GRID1: variants seen among roughly 807,000 people sequenced by gnomAD.
GRID1 encodes the protein glutamate ionotropic receptor delta type subunit 1, also known as glutamate receptor ionotropic, delta-1.
In GRID1, 28 loss-of-function variants were observed where a neutral mutation model predicts 98.0. That is an observed-to-expected ratio of 0.29 (90% CI 0.21 to 0.39). The LOEUF (loss-of-function observed/expected upper bound fraction) is 0.39, where lower values mean the gene tolerates loss of function less well. GRID1 is among the 10% of genes least tolerant of loss of function. The pLI is 1.00. For synonymous variants in GRID1, 553 were observed against 538.5 expected, an observed-to-expected ratio of 1.03 and a Z score of -0.37; for missense variants, 1,111 against 1,340.5, an observed-to-expected ratio of 0.83 and a Z score of 2.67.
chr10:86,127,763 T>C (rs997248529), intron 4 of GRID1, among the ~76,000 whole-genome samples: 7 of 152,088 alleles, frequency 4.6e-5, no homozygotes, highest in African/African-American at 1.7e-4. Flanking sequence ...ACAGAGTGAG[T>C]AGGAGCTATC....
At chr10:85,859,154 G>T (rs1843140905) in intron 6 of GRID1, among the ~76,000 whole-genome samples, 1 of 152,196 alleles carries the variant, frequency 6.6e-6, no homozygotes, top group African/African-American at 2.4e-5. Flanking sequence ...GCTCATGAAT[G>T]TGTTTATCTC....
intron 8 of GRID1, among the ~76,000 whole-genome samples, chr10:85,783,559 C>A (rs1428438218): frequency 6.6e-6 from 1 of 152,150 alleles, no homozygotes; most frequent in Non-Finnish European, 1.5e-5. Context: ...GAGGACTAAC[C>A]TCTGAGGATT....
At chr10:85,881,063 C>G (rs568646532) in intron 5 of GRID1, among the ~76,000 whole-genome samples, 5 of 152,158 alleles carry the variant, frequency 3.3e-5, no homozygotes, top group African/African-American at 4.8e-5. Flanking sequence ...ATCCAACTTA[C>G]AAGGGACGTG....
intron 8 of GRID1, among the ~76,000 whole-genome samples, chr10:85,819,308 C>A (rs118115608): frequency 0.033 from 5,026 of 152,254 alleles, 125 homozygotes; most frequent in Non-Finnish European, 0.047. Context: ...CATATTCCCC[C>A]AGAAGTTTAT....
At chr10:86,324,657 C>A (rs1848019033) in intron 2 of GRID1, among the ~76,000 whole-genome samples, 2 of 151,854 alleles carry the variant, frequency 1.3e-5, no homozygotes, top group Non-Finnish European at 2.9e-5. Context: ...CAGGAAAGGG[C>A]AAAAGTAGCA....
intron 4 of GRID1, among the ~76,000 whole-genome samples, chr10:86,034,902 GTGGATGGA>G (rs59211171): frequency 0.044 from 6,374 of 143,786 alleles, 166 homozygotes; most frequent in Non-Finnish European, 0.048. Context: ...CAATGGATTG[GTGGATGGA>G]TGGATGGATG....
Position 86,308,557 on chromosome 10 carries a change from TG to T in GRID1, c.235+55383del, listed in dbSNP as rs545632736. ...TATTGTTCAAAAGAGAAATCTACTA[TG>T]CTGCAGAAGGAAATGTATTAGGTCC... On this transcript the variant is annotated intron_variant, in intron 2 of 15. Coordinates refer to ENST00000327946, the MANE Select transcript of GRID1 (RefSeq NM_017551.3). Among the ~76,000 whole-genome samples the T allele has an allele frequency of 2.8e-3, 426 of 152,328 alleles. 15 individuals are homozygous for T. Among genetic ancestry groups the T allele is most frequent in the Admixed American group, 0.026 (402 of 15,298 alleles).
intron 12 of GRID1, among the ~76,000 whole-genome samples, chr10:85,672,623 G>C (rs1841099825): frequency 6.6e-6 from 1 of 152,048 alleles, no homozygotes. Flanking sequence ...TCTGTAAATG[G>C]AACAACAAGG....
At chr10:86,351,000 G>T (rs1031869243) in intron 2 of GRID1, among the ~76,000 whole-genome samples, 1 of 152,126 alleles carries the variant, frequency 6.6e-6, no homozygotes, top group Non-Finnish European at 1.5e-5. Context: ...ACTTCTATGA[G>T]TTCAATGTGT....
intron 4 of GRID1, among the ~76,000 whole-genome samples, chr10:85,996,785 T>C (rs529901746): frequency 1.4e-5 from 2 of 147,474 alleles, no homozygotes; most frequent in East Asian, 4.0e-4. Flanking sequence ...GCTGAGATCA[T>C]GCTATTGCAC....
At chr10:86,041,357 G>A (rs1001780014) in intron 4 of GRID1, among the ~76,000 whole-genome samples, 1 of 152,168 alleles carries the variant, frequency 6.6e-6, no homozygotes, top group African/African-American at 2.4e-5. Context: ...CTGCCTCCAA[G>A]GGCTTAGGGA....
intron 4 of GRID1, among the ~76,000 whole-genome samples, chr10:86,006,295 AAC>A (rs1360005935): frequency 1.3e-5 from 2 of 152,216 alleles, no homozygotes; most frequent in African/African-American, 4.8e-5. Context: ...ACTCATTCCA[AAC>A]ACAAAAATTA....
intron 8 of GRID1, among the ~76,000 whole-genome samples, chr10:85,785,997 TAC>T (rs1842425321): frequency 6.6e-6 from 1 of 151,640 alleles, no homozygotes; most frequent in South Asian, 2.1e-4. Context: ...CACACACACG[TAC>T]ACATACTATA....
intron 5 of GRID1, among the ~76,000 whole-genome samples, chr10:85,883,792 G>C (rs374580246): frequency 6.6e-6 from 1 of 152,070 alleles, no homozygotes; most frequent in Non-Finnish European, 1.5e-5. Flanking sequence ...GTGGAAACTG[G>C]GATCACAAAC....
At chr10:86,008,003 T>C (rs112300256) in intron 4 of GRID1, among the ~76,000 whole-genome samples, 4 of 152,248 alleles carry the variant, frequency 2.6e-5, no homozygotes, top group African/African-American at 9.6e-5. Flanking sequence ...CTCACTGATA[T>C]TGTCACCTGA....
intron 4 of GRID1, among the ~76,000 whole-genome samples, chr10:86,080,395 A>AG (rs1446842672): frequency 3.7e-4 from 10 of 26,820 alleles, no homozygotes; most frequent in African/African-American, 1.2e-3. Flanking sequence ...AGGGAAGGGA[A>AG]GGGAAGGGAA....
At chr10:86,004,088 C>T (rs1346601058) in intron 4 of GRID1, among the ~76,000 whole-genome samples, 1 of 151,052 alleles carries the variant, frequency 6.6e-6, no homozygotes, top group Non-Finnish European at 1.5e-5. Context: ...ACTATTTACC[C>T]TCATTTCCCA....
chr10:85,934,577 T>C (rs1010069260), intron 4 of GRID1, among the ~76,000 whole-genome samples: 3 of 152,172 alleles, frequency 2.0e-5, no homozygotes, highest in Non-Finnish European at 4.4e-5. Flanking sequence ...ACAAAAATCA[T>C]ATGTTGTTCT....
intron 3 of GRID1, among the ~76,000 whole-genome samples, chr10:86,145,487 A>G (rs1458920344): frequency 6.6e-6 from 1 of 151,782 alleles, no homozygotes; most frequent in Non-Finnish European, 1.5e-5. Context: ...TCCTCCTCAA[A>G]CCATGTACCT....
Sources: gnomAD v4.1 joint callset for allele counts (sites outside exome capture counted in the v4.1 genomes callset) on GRCh38, gnomAD v4.1.1 for gene constraint, MANE v1.5 for transcripts, NCBI Gene and HGNC (gene_info 2026-07-23, HGNC 2026-07-21) for gene names.